VILL: variants seen among roughly 807,000 people sequenced by gnomAD.
VILL encodes the protein villin like.
Under a neutral mutation model 106.3 loss-of-function variants are expected in VILL, and 102 were observed. The observed-to-expected ratio is 0.96, with a 90% confidence interval of 0.82 to 1.13. The LOEUF is 1.13. Ranked by LOEUF, VILL falls within the 50% of genes most tolerant of loss-of-function variation. The pLI, the probability that VILL is intolerant of heterozygous loss-of-function variation, is 0.00. For missense variants in VILL, 1,076 were observed against 1,116.6 expected (o/e 0.96, Z 0.52); for synonymous variants, 431 against 440.3 (o/e 0.98, Z 0.27).
Position 37,994,286 on chromosome 3 carries a change from A to AG in VILL, c.166dup (p.Ala56GlyfsTer68). 6.2e-7 allele frequency: 1 copy of AG among 1,610,776 alleles called. No individual in the cohort carries two copies. ...GTCCCCCAGAGCCCGAAGGCCACGC[A>AG]GGGGGCGTCCAGCGACCTGCACTAC... is the stretch of plus-strand genomic sequence containing the variant. On this transcript the variant is annotated frameshift_variant, in exon 4 of 20. Transcript: ENST00000383759. LOFTEE classifies it high-confidence loss of function.
chr3:37,989,010 G>T (rs930947651), upstream of VILL, among the ~76,000 whole-genome samples: 6 of 152,176 alleles, frequency 3.9e-5, no homozygotes, highest in African/African-American at 9.7e-5. Flanking sequence ...GGCTACTGTG[G>T]TAGGATGGTC....
intron 11 of VILL, chr3:38,001,038 T>C: frequency 2.1e-6 from 1 of 465,634 alleles, no homozygotes; most frequent in Non-Finnish European, 4.3e-6. Context: ...TGAACAGGCT[T>C]TGTGTTTTCT....
chr3:38,006,475 A>G lies in VILL; in HGVS notation c.2232A>G (p.Arg744=), dbSNP rs764716741. ...AAGTCAACAACTTGCGGCTATCCAG[A>G]TGGCCGGGCAATGGCAGGGCAGGTG... The part of the protein sequence containing the change: ...TAEVNNLRLS[R]WPGNGRAGAV... The change falls in exon 19 of 20, where the codon AGA becomes AGG. Residue 744 remains arginine, a synonymous_variant. Transcript: ENST00000383759. 2 of 1,606,296 alleles carry G rather than the reference A, an allele frequency of 1.2e-6. No individual in the cohort carries two copies. The highest frequency in any genetic ancestry group is 1.7e-5 in the Admixed American group (1 of 59,620).
chr3:38,001,442 C>A lies in VILL; in HGVS notation c.1183-14C>A. On this transcript the variant is annotated splice_polypyrimidine_tract_variant and intron_variant, in intron 11 of 19. Transcript: ENST00000383759. ...AGAGCAGCCACCTGTGCCCATTGGT[C>A]CCTTATTCCCCAGGTGTGGTGCATC... 6.2e-7 allele frequency: 1 copy of A among 1,613,052 alleles called. No homozygotes were observed. Among genetic ancestry groups the A allele is most frequent in the South Asian group, 1.1e-5 (1 of 90,974 alleles).
Position 38,002,494 on chromosome 3 carries a change from G to A in VILL, c.1578G>A (p.Val526=). The part of the protein sequence containing the change: ...TDSHNTRTME[V]PARASSLNSS... ...GCCACAACACCAGGACCATGGAGGT[G>A]CCAGCCCGTGCCTCATCCCTCAACT... Residue 526 remains valine, a synonymous_variant, in exon 14 of 20, where the codon GTG becomes GTA. Coordinates refer to ENST00000383759, the MANE Select transcript of VILL (RefSeq NM_015873.4). 6.2e-7 allele frequency: 1 copy of A among 1,614,192 alleles called. No homozygotes were observed. Among genetic ancestry groups the A allele is most frequent in the Non-Finnish European group, 8.5e-7 (1 of 1,180,004 alleles).
intron 11 of VILL, among the ~76,000 whole-genome samples, chr3:38,000,621 TC>T (rs548712893): frequency 3.2e-4 from 48 of 151,972 alleles, no homozygotes; most frequent in Non-Finnish European, 5.7e-4. Flanking sequence ...AGGGACAGGA[TC>T]CCTCCTGGTA....
intron 13 of VILL, chr3:38,002,149 AC>A (rs1699829980): frequency 4.7e-6 from 3 of 636,348 alleles, no homozygotes; most frequent in Non-Finnish European, 8.1e-6. Flanking sequence ...AGGCCTGAGC[AC>A]CCATGCCCCA....
At position 38,006,472 on chromosome 3, in the gene VILL, C is replaced by T; in HGVS notation, c.2229C>T (p.Ser743=). The change falls in exon 19 of 20, where the codon TCC becomes TCT. Residue 743 remains serine, a synonymous_variant. Transcript: ENST00000383759. The part of the protein sequence containing the change: ...ITAEVNNLRL[S]RWPGNGRAGA... The stretch of plus-strand genomic sequence containing the variant: ...AGGAAGTCAACAACTTGCGGCTATC[C>T]AGATGGCCGGGCAATGGCAGGGCAG... 2 of 1,605,716 alleles carry T rather than the reference C, an allele frequency of 1.2e-6. No individual in the cohort carries two copies. Among genetic ancestry groups the T allele is most frequent in the African/African-American group, 1.3e-5 (1 of 74,860 alleles).
Position 37,998,995 on chromosome 3 carries a change from G to C in VILL, c.1026G>C (p.Gln342His). 1.9e-6 allele frequency: 3 copies of C among 1,609,206 alleles called. No homozygotes were observed. Among genetic ancestry groups the C allele is most frequent in the Non-Finnish European group, 2.5e-6 (3 of 1,178,106 alleles). ...NDGAESAAFK[Q>H]LFRTWSEKRR... ...GCGCCGAGTCGGCCGCGTTCAAGCA[G>C]CTCTTCCGGACTTGGTCTGAGAAGC... Residue 342 changes from glutamine to histidine, a missense_variant, in exon 10 of 20, where the codon CAG becomes CAC. Transcript: ENST00000383759. This position sits in a 1 kb window ranked among gnomAD's most constrained non-coding sequence, Gnocchi z 4.1.
In VILL at chr3:37,997,571, C is replaced by T. The variant is rs749706349; in HGVS notation, c.650C>T (p.Pro217Leu). The change falls in exon 7 of 20, where the codon CCG becomes CTG. Residue 217 changes from proline (P) to leucine (L), a missense_variant. Coordinates refer to ENST00000383759, the MANE Select transcript of VILL (RefSeq NM_015873.4). The surrounding 1 kb of genome is among the most constrained non-coding windows in gnomAD (Gnocchi z 4.7). Reference sequence around the variant, plus strand: ...GTGGTGGATGATGAGGCCAAAGCCCCGGACCTCATGCAGATCATGGAGGCT... The same window carrying T: ...GTGGTGGATGATGAGGCCAAAGCCCTGGACCTCATGCAGATCATGGAGGCT... Reference protein sequence around the residue: ...IGVVDDEAKAPDLMQIMEAVL... With the variant: ...IGVVDDEAKALDLMQIMEAVL... 95 of 1,614,064 alleles carry T rather than the reference C, an allele frequency of 5.9e-5. No individual in the cohort carries two copies. The highest frequency in any genetic ancestry group is 4.9e-4 in the Middle Eastern group (3 of 6,062).
chr3:38,006,835 C>CA (rs1699939728), intron 19 of VILL, 107 bp from the exon 20 acceptor site: 7 of 1,512,848 alleles, frequency 4.6e-6, no homozygotes, highest in Non-Finnish European at 9.0e-7. Flanking sequence ...GGTGGGCAAA[C>CA]AGATGCGGGA....
chr3:37,995,615 T>G, intron 4 of VILL, 124 bp from the exon 5 acceptor site: 1 of 726,928 alleles, frequency 1.4e-6, no homozygotes, highest in Non-Finnish European at 2.4e-6. Flanking sequence ...TCACACAGAC[T>G]CCAGTGCATG....
chr3:37,994,537 G>A, intron 4 of VILL, 71 bp downstream of exon 4: 1 of 1,553,526 alleles, frequency 6.4e-7, no homozygotes, highest in Non-Finnish European at 8.7e-7. Flanking sequence ...GTCTTGGGAT[G>A]GCCATCGTCC....
Position 37,994,282 on chromosome 3 carries a change from ACGCAGGG to A in VILL, c.158_164del (p.Thr53ArgfsTer66). 1 of 1,610,442 alleles carries A rather than the reference ACGCAGGG, an allele frequency of 6.2e-7. No individual in the cohort carries two copies. The highest frequency in any genetic ancestry group is 1.7e-5 in the Admixed American group (1 of 59,860). On this transcript the variant is annotated frameshift_variant, in exon 4 of 20. Coordinates refer to ENST00000383759, the MANE Select transcript of VILL (RefSeq NM_015873.4). LOFTEE classifies it high-confidence loss of function. ...CTAGGTCCCCCAGAGCCCGAAGGCC[ACGCAGGG>A]GGCGTCCAGCGACCTGCACTACTGG...
chr3:37,992,568 C>G (rs562419299), intron 1 of VILL, among the ~76,000 whole-genome samples: 1 of 152,250 alleles, frequency 6.6e-6, no homozygotes, highest in South Asian at 2.1e-4. Context: ...CAGTAAACAA[C>G]AAGACAAACC....
intron 11 of VILL, 69 bp downstream of exon 11, chr3:37,999,508 T>C (rs193151133): frequency 8.1e-7 from 1 of 1,231,088 alleles, no homozygotes; most frequent in East Asian, 2.8e-5. Flanking sequence ...AGGTAAACGG[T>C]ATGACTGCTA....
intron 5 of VILL, among the ~76,000 whole-genome samples, chr3:37,996,873 A>G (rs1032056181): frequency 6.6e-6 from 1 of 152,202 alleles, no homozygotes; most frequent in Non-Finnish European, 1.5e-5. Flanking sequence ...GTACATGTAT[A>G]CATGTACAGC....
At chr3:38,006,391 C>A (rs1375960119) in intron 18 of VILL, 58 bp from the exon 19 acceptor site, 1 of 1,584,994 alleles carries the variant, frequency 6.3e-7, no homozygotes, top group African/African-American at 1.3e-5. Flanking sequence ...TTCAGTGCAG[C>A]CTCCCTGTGG....
chr3:37,991,059 A>G (rs917402773), intron 1 of VILL: 2 of 152,344 alleles, frequency 1.3e-5, no homozygotes, highest in African/African-American at 4.8e-5. Flanking sequence ...GTAGATGGGC[A>G]GGGAAGTCCG....
Sources: allele counts gnomAD v4.1 joint callset (sites outside exome capture counted in the v4.1 genomes callset), GRCh38; gene constraint gnomAD v4.1.1; non-coding constraint Gnocchi (gnomAD v3.1); transcripts MANE v1.5; gene names NCBI Gene and HGNC (gene_info 2026-07-23, HGNC 2026-07-21).